MACROD2: variants seen among roughly 807,000 people sequenced by gnomAD.
MACROD2 encodes ADP-ribose glycohydrolase MACROD2.
Under a neutral mutation model 70.4 loss-of-function variants are expected in MACROD2, and 36 were observed. That is an observed-to-expected ratio of 0.51 (90% CI 0.39 to 0.68). MACROD2 has a LOEUF of 0.68. MACROD2 is among the 30% of genes least tolerant of loss of function. MACROD2 has a pLI of 0.00. For missense variants in MACROD2, 496 were observed against 538.4 expected, an observed-to-expected ratio of 0.92 and a Z score of 0.78; for synonymous variants, 172 against 178.8, an observed-to-expected ratio of 0.96 and a Z score of 0.30.
intron 7 of MACROD2, among the ~76,000 whole-genome samples, chr20:15,483,928 C>A (rs927901629): frequency 1.3e-5 from 2 of 151,976 alleles, no homozygotes; most frequent in African/African-American, 4.8e-5. Flanking sequence ...TGCAATCTTG[C>A]TATAATTGCT....
At chr20:14,009,772 T>A (rs1273020326) in intron 2 of MACROD2, among the ~76,000 whole-genome samples, 2 of 152,218 alleles carry the variant, frequency 1.3e-5, no homozygotes, top group Non-Finnish European at 2.9e-5. Flanking sequence ...ATATACACCA[T>A]GCAATACTAT....
chr20:15,113,799 T>TGTGTGTGTGC (rs1435199929), intron 5 of MACROD2, among the ~76,000 whole-genome samples: 2 of 146,782 alleles, frequency 1.4e-5, no homozygotes, highest in Middle Eastern at 3.5e-3. Context: ...TGTGTGTGTG[T>TGTGTGTGTGC]GCTGGAGGGG....
rs528428011 is a variant in MACROD2, at chr20:14,380,774, C to T, written c.272-112705C>T. Among the ~76,000 whole-genome samples the T allele has an allele frequency of 2.0e-5, 3 of 152,178 alleles. No homozygotes were observed. The South Asian group carries it at 6.2e-4, about 32-fold the overall frequency. ...TGTTTCATTTGCTTATATGTCTGTC[C>T]TTATGCCTCCATTATACTGCTTTAA... On this transcript the variant is annotated intron_variant, in intron 3 of 17. Transcript: ENST00000684519.
chr20:15,980,398 T>C (rs879030594), intron 13 of MACROD2, among the ~76,000 whole-genome samples: 1 of 152,240 alleles, frequency 6.6e-6, no homozygotes, highest in Admixed American at 6.5e-5. Flanking sequence ...TTCTCACTCT[T>C]ATTTTTGCTA....
At chr20:15,006,870 G>A (rs2075042000) in intron 5 of MACROD2, among the ~76,000 whole-genome samples, 1 of 152,100 alleles carries the variant, frequency 6.6e-6, no homozygotes. Context: ...TGCTTATTAA[G>A]ATCCAGTTTG....
At chr20:15,083,894 CT>C (rs1348438036) in intron 5 of MACROD2, among the ~76,000 whole-genome samples, 1 of 151,982 alleles carries the variant, frequency 6.6e-6, no homozygotes, top group Non-Finnish European at 1.5e-5. Context: ...TTCTGTATCT[CT>C]GTATCTTCCT....
intron 4 of MACROD2, among the ~76,000 whole-genome samples, chr20:14,679,561 A>T (rs1310481680): frequency 1.3e-5 from 2 of 152,236 alleles, no homozygotes; most frequent in Admixed American, 6.5e-5. Flanking sequence ...AAGCAGTAAG[A>T]TCAGACTCAC....
At chr20:15,203,092 T>C (rs541860637) in intron 5 of MACROD2, among the ~76,000 whole-genome samples, 1 of 152,210 alleles carries the variant, frequency 6.6e-6, no homozygotes, top group Non-Finnish European at 1.5e-5. Flanking sequence ...TTTTTTGTTG[T>C]AGAAATCACA....
chr20:14,230,699 A>G (rs566870600), intron 3 of MACROD2, among the ~76,000 whole-genome samples: 1 of 113,228 alleles, frequency 8.8e-6, no homozygotes, highest in Non-Finnish European at 1.8e-5. Context: ...ATATATATAT[A>G]TGGGCCCAGC....
At chr20:15,987,244 T>G in intron 15 of MACROD2, 86 bp downstream of exon 15, 1 of 1,104,034 alleles carries the variant, frequency 9.1e-7, no homozygotes, top group Non-Finnish European at 1.3e-6. Context: ...GTTATTCTCA[T>G]GCAATTACAG....
intron 4 of MACROD2, among the ~76,000 whole-genome samples, chr20:14,560,952 A>G (rs1393492144): frequency 1.3e-5 from 2 of 151,932 alleles, no homozygotes; most frequent in Non-Finnish European, 2.9e-5. Context: ...GTTTCATGAA[A>G]TAATGTTTGA....
At chr20:15,428,174 C>T (rs766699685) in intron 6 of MACROD2, among the ~76,000 whole-genome samples, 1 of 152,144 alleles carries the variant, frequency 6.6e-6, no homozygotes, top group Non-Finnish European at 1.5e-5. Flanking sequence ...TTCTACAAAC[C>T]CTTTGAGGCA....
intron 5 of MACROD2, among the ~76,000 whole-genome samples, chr20:15,039,558 G>T (rs1375524580): frequency 1.3e-5 from 2 of 150,492 alleles, no homozygotes; most frequent in Non-Finnish European, 1.5e-5. Context: ...ATACTTCATG[G>T]TATTGTTTAA....
At chr20:14,577,794 A>AAAGAGAAAAGAGAAGAGAAGAGAAGAG (rs1980698635) in intron 4 of MACROD2, among the ~76,000 whole-genome samples, 1 of 137,728 alleles carries the variant, frequency 7.3e-6, no homozygotes, top group African/African-American at 2.6e-5. Flanking sequence ...AAAGAAAAGG[A>AAAGAGAAAAGAGAAGAGAAGAGAAGAG]AAGAGAAGAG....
At chr20:15,051,503 C>A (rs975133588) in intron 5 of MACROD2, among the ~76,000 whole-genome samples, 1 of 152,096 alleles carries the variant, frequency 6.6e-6, no homozygotes, top group East Asian at 1.9e-4. Context: ...TGGCCGAAGC[C>A]GCAGTCTACA....
intron 3 of MACROD2, among the ~76,000 whole-genome samples, chr20:14,379,261 G>A (rs1006792125): frequency 2.6e-5 from 4 of 152,178 alleles, no homozygotes; most frequent in Non-Finnish European, 5.9e-5. Flanking sequence ...TCCAGAATCT[G>A]TGCGTTTCAC....
At chr20:15,346,325 C>G (rs2078165941) in intron 6 of MACROD2, among the ~76,000 whole-genome samples, 1 of 152,142 alleles carries the variant, frequency 6.6e-6, no homozygotes, top group South Asian at 2.1e-4. Context: ...AGGCAAGACC[C>G]TCATCTTTGA....
At chr20:14,548,149 C>T (rs1172652651) in intron 4 of MACROD2, among the ~76,000 whole-genome samples, 1 of 152,154 alleles carries the variant, frequency 6.6e-6, no homozygotes, top group Non-Finnish European at 1.5e-5. Context: ...TATTTGGAGA[C>T]TTGGCCCCTT....
intron 5 of MACROD2, among the ~76,000 whole-genome samples, chr20:15,212,908 A>G (rs1293498178): frequency 6.6e-6 from 1 of 152,196 alleles, no homozygotes. Flanking sequence ...TACTACTGAA[A>G]TAGAAATACT....
Sources: gnomAD v4.1 joint callset for allele counts (sites outside exome capture counted in the v4.1 genomes callset) on GRCh38, gnomAD v4.1.1 for gene constraint, MANE v1.5 for transcripts, NCBI Gene and HGNC (gene_info 2026-07-23, HGNC 2026-07-21) for gene names.